The following CDK14 variants were observed in gnomAD, a reference collection of about 807,000 sequenced individuals.
CDK14 encodes the protein cyclin dependent kinase 14.
In CDK14, 34 loss-of-function variants were observed where a neutral mutation model predicts 60.7. The ratio of observed to expected loss-of-function variants is 0.56; its 90% CI spans 0.43 to 0.75. CDK14 has a LOEUF of 0.75. Ranked by LOEUF, CDK14 falls within the 30% of genes least tolerant of loss-of-function variation. The probability of loss-of-function intolerance (pLI) is 0.00; values close to 1 mark genes in which losing one functional copy is unlikely to be tolerated. For missense variants in CDK14, 482 were observed against 564.1 expected (o/e 0.85, Z 1.47); for synonymous variants, 197 against 203.7 (o/e 0.97, Z 0.28).
chr7:91,118,153 C>A lies in CDK14; in HGVS notation c.1383C>A (p.Gly461=), dbSNP rs764012806. 8 of 1,612,718 alleles carry A rather than the reference C, an allele frequency of 5.0e-6. No individual in the cohort carries two copies. In the South Asian group the frequency reaches 7.7e-5, roughly 16 times the overall value. ...MRAFGKNNSY[G]KSLSNSKH ...CCTTTGGGAAAAACAATAGTTATGGCAAAAGTCTATCAAACAGCAAGCACT... is the reference window on the plus strand; with the variant it reads ...CCTTTGGGAAAAACAATAGTTATGGAAAAAGTCTATCAAACAGCAAGCACT... The change falls in exon 14 of 15, where the codon GGC becomes GGA. Residue 461 remains glycine, a synonymous_variant. Transcript: ENST00000380050.
intron 6 of CDK14, among the ~76,000 whole-genome samples, chr7:90,880,846 G>C (rs1378914938): frequency 6.6e-6 from 1 of 152,068 alleles, no homozygotes; most frequent in Non-Finnish European, 1.5e-5. Context: ...TACAGAAGAG[G>C]GATCTGACTA....
At chr7:91,008,510 CTTGTAT>C (rs1796058512) in intron 10 of CDK14, among the ~76,000 whole-genome samples, 1 of 152,058 alleles carries the variant, frequency 6.6e-6, no homozygotes. Context: ...TCCCTCCCTT[CTTGTAT>C]TTGTATTATG....
At chr7:90,809,459 C>T (rs1229627001) in intron 5 of CDK14, among the ~76,000 whole-genome samples, 4 of 151,980 alleles carry the variant, frequency 2.6e-5, no homozygotes, top group African/African-American at 4.8e-5. Flanking sequence ...ATCTCTGGGA[C>T]ACATTCAAAG....
At chr7:90,636,966 G>A (rs961672221) in intron 2 of CDK14, among the ~76,000 whole-genome samples, 2 of 151,038 alleles carry the variant, frequency 1.3e-5, no homozygotes, top group Non-Finnish European at 3.0e-5. Flanking sequence ...TATTTCTGTG[G>A]GATCGGTGGT....
chr7:91,046,873 G>A lies in CDK14; in HGVS notation c.1105+913G>A, dbSNP rs1172962868. ...TTTGCTTCTCTTCCCCTCTTTTGGGGAACCATCAGGAATAAATTATCAGTT... is the reference window on the plus strand; with the variant it reads ...TTTGCTTCTCTTCCCCTCTTTTGGGAAACCATCAGGAATAAATTATCAGTT... On this transcript the variant is annotated intron_variant, in intron 11 of 14. Coordinates refer to ENST00000380050, the MANE Select transcript of CDK14 (RefSeq NM_001287135.2). Among the ~76,000 whole-genome samples, 3 of 152,090 alleles carry A rather than the reference G, an allele frequency of 2.0e-5. No individual in the cohort carries two copies. The East Asian group carries it at 5.8e-4, about 29-fold the overall frequency.
At chr7:91,116,489 T>C (rs1216265616) in intron 13 of CDK14, among the ~76,000 whole-genome samples, 1 of 152,132 alleles carries the variant, frequency 6.6e-6, no homozygotes, top group Non-Finnish European at 1.5e-5. Context: ...AGCTCTAGAG[T>C]TTGTCGATTT....
At chr7:90,811,085 A>G (rs967662039) in intron 5 of CDK14, among the ~76,000 whole-genome samples, 1 of 152,230 alleles carries the variant, frequency 6.6e-6, no homozygotes, top group Non-Finnish European at 1.5e-5. Context: ...CAAGCTACCA[A>G]TGACTTTCTT....
chr7:91,115,337 G>T (rs980717113), intron 13 of CDK14, among the ~76,000 whole-genome samples: 1 of 152,132 alleles, frequency 6.6e-6, no homozygotes. Flanking sequence ...TTCTCAGTTT[G>T]TGAAGGGCAC....
rs571459713 is a variant in CDK14 at position 90,945,030 on chromosome 7, C to G, written c.827-10667C>G. On this transcript the variant is annotated intron_variant, in intron 8 of 14. Transcript: ENST00000380050. ...AGACCATGTTGTGCCAATGAACTGA[C>G]ATAAGAAAAAAATAATTACTGGTAA... Among the ~76,000 whole-genome samples the G allele has an allele frequency of 1.9e-4, 29 of 152,094 alleles. No individual in the cohort carries two copies. In the South Asian group the frequency reaches 6.0e-3, roughly 32 times the overall value.
At chr7:90,601,032 TA>T (rs750082749) in intron 1 of CDK14, among the ~76,000 whole-genome samples, 2 of 152,238 alleles carry the variant, frequency 1.3e-5, no homozygotes, top group African/African-American at 2.4e-5. Flanking sequence ...CCATGAAGAT[TA>T]GCGAAATTTG....
At chr7:90,878,702 T>A (rs901350330) in intron 6 of CDK14, among the ~76,000 whole-genome samples, 8 of 152,066 alleles carry the variant, frequency 5.3e-5, no homozygotes, top group Non-Finnish European at 1.2e-4. Context: ...CACCAGAAAA[T>A]CAGACTTTCA....
rs10263669 is a variant in CDK14 at position 90,656,669 on chromosome 7, C to T, written c.123+52420C>T. ...CTAGGATTACAGGCGTGAGCCACCG[C>T]GCCCCGCCTTCTCCTTTTTTCTGAA... On this transcript the variant is annotated intron_variant, in intron 2 of 14. Transcript: ENST00000380050. Among the ~76,000 whole-genome samples the T allele has an allele frequency of 1.0e-3, 156 of 152,276 alleles. 1 individual carries two copies. The highest frequency in any genetic ancestry group is 3.1e-3 in the Admixed American group (47 of 15,294).
chr7:90,744,279 T>C (rs1327948428), intron 3 of CDK14, among the ~76,000 whole-genome samples: 1 of 152,184 alleles, frequency 6.6e-6, no homozygotes, highest in East Asian at 1.9e-4. Context: ...TTAATCCATT[T>C]AACCCTGAGT....
rs186722908 is a variant in CDK14, at chr7:91,066,755, C to T, written c.1106-12677C>T. Among the ~76,000 whole-genome samples, 15 of 152,300 alleles carry T rather than the reference C, an allele frequency of 9.8e-5. No homozygotes were observed. The East Asian group carries it at 1.3e-3, about 14-fold the overall frequency. On this transcript the variant is annotated intron_variant, in intron 11 of 14. Coordinates refer to ENST00000380050, the MANE Select transcript of CDK14 (RefSeq NM_001287135.2). ...GAATGTCAACGAATTGCAGTGCTTA[C>T]GTGCATGGCGGTTTGAGAGAAAACC...
intron 2 of CDK14, among the ~76,000 whole-genome samples, chr7:90,606,341 A>T (rs17867250): frequency 2.6e-5 from 4 of 152,346 alleles, no homozygotes; most frequent in Admixed American, 2.0e-4. Flanking sequence ...TAAAATAGAG[A>T]TAATAATAGT....
intron 5 of CDK14, among the ~76,000 whole-genome samples, chr7:90,792,111 A>G (rs74871685): frequency 6.6e-6 from 1 of 151,592 alleles, no homozygotes; most frequent in East Asian, 1.9e-4. Flanking sequence ...CGTGTTGGCC[A>G]GGCTGGTCTC....
At chr7:90,609,393 C>T (rs564305616) in intron 2 of CDK14, among the ~76,000 whole-genome samples, 83 of 152,088 alleles carry the variant, frequency 5.5e-4, no homozygotes, top group Admixed American at 8.5e-4. Flanking sequence ...TGCCAAATCT[C>T]GTGTTGGAAG....
chr7:91,069,199 G>A (rs371394671), intron 11 of CDK14, among the ~76,000 whole-genome samples: 6 of 152,116 alleles, frequency 3.9e-5, no homozygotes, highest in Admixed American at 6.5e-5. Flanking sequence ...CCATAACAAA[G>A]CAATATAAGT....
chr7:90,779,407 C>T (rs1805211871), intron 4 of CDK14, among the ~76,000 whole-genome samples: 1 of 152,130 alleles, frequency 6.6e-6, no homozygotes, highest in African/African-American at 2.4e-5. Context: ...CACGTGCCAC[C>T]ATGCTCAACT....
Sources: gnomAD v4.1 joint callset for allele counts (sites outside exome capture counted in the v4.1 genomes callset) on GRCh38, gnomAD v4.1.1 for gene constraint, MANE v1.5 for transcripts, NCBI Gene and HGNC (gene_info 2026-07-23, HGNC 2026-07-21) for gene names.